The following ARHGAP15 variants were observed in gnomAD, a reference collection of about 807,000 sequenced individuals.
ARHGAP15 encodes the protein rho GTPase-activating protein 15.
Under a neutral mutation model 63.7 loss-of-function variants are expected in ARHGAP15, and 51 were observed. The observed-to-expected ratio is 0.80, with a 90% confidence interval of 0.64 to 1.01. The LOEUF (loss-of-function observed/expected upper bound fraction) is 1.01. Among genes scored for constraint, ARHGAP15 ranks in the 50% least tolerant of loss-of-function variants. ARHGAP15 has a pLI of 0.00. For missense variants in ARHGAP15, 560 were observed against 564.6 expected (o/e 0.99, Z 0.08); for synonymous variants, 191 against 193.8 (o/e 0.99, Z 0.12).
chr2:143,681,588 G>T (rs1683102314), intron 12 of ARHGAP15, among the ~76,000 whole-genome samples: 1 of 152,288 alleles, frequency 6.6e-6, no homozygotes, highest in Middle Eastern at 3.4e-3. Flanking sequence ...GGAATTTTCT[G>T]TGGTAAGCAT....
chr2:143,654,921 G>A (rs1459462997), intron 12 of ARHGAP15, among the ~76,000 whole-genome samples: 4 of 152,124 alleles, frequency 2.6e-5, no homozygotes, highest in Admixed American at 6.5e-5. Flanking sequence ...AACAAAGCAA[G>A]ACCCGTTTCT....
chr2:143,236,182 T>G (rs1558832389), intron 5 of ARHGAP15: 1 of 518,708 alleles, frequency 1.9e-6, no homozygotes, highest in Non-Finnish European at 3.3e-6. Context: ...AATATTCAAA[T>G]GAATAGTATA....
At chr2:143,537,213 T>TTAA (rs1559035756) in intron 10 of ARHGAP15, among the ~76,000 whole-genome samples, 7 of 151,778 alleles carry the variant, frequency 4.6e-5, no homozygotes, top group Admixed American at 2.0e-4. Flanking sequence ...TTGCCCACTT[T>TTAA]TTGACGAGGT....
At chr2:143,231,130 C>T (rs1436133559) in intron 5 of ARHGAP15, among the ~76,000 whole-genome samples, 1 of 139,872 alleles carries the variant, frequency 7.1e-6, no homozygotes, top group Non-Finnish European at 1.5e-5. Flanking sequence ...CTTTGAGCTT[C>T]AGAATCCTTA....
intron 10 of ARHGAP15, among the ~76,000 whole-genome samples, chr2:143,548,158 A>G (rs1695409164): frequency 6.6e-6 from 1 of 152,140 alleles, no homozygotes; most frequent in Non-Finnish European, 1.5e-5. Context: ...ACCAATATTA[A>G]TGATAAATAT....
chr2:143,672,848 CA>C (rs961751073), intron 12 of ARHGAP15, among the ~76,000 whole-genome samples: 1 of 152,144 alleles, frequency 6.6e-6, no homozygotes, highest in African/African-American at 2.4e-5. Context: ...GTTACTGAGA[CA>C]CAACAATTTT....
At chr2:143,672,453 AATG>A (rs1682575178) in intron 12 of ARHGAP15, among the ~76,000 whole-genome samples, 3 of 152,222 alleles carry the variant, frequency 2.0e-5, no homozygotes, top group African/African-American at 7.2e-5. Flanking sequence ...AGAAAACTCA[AATG>A]ATGTTAACTA....
intron 6 of ARHGAP15, among the ~76,000 whole-genome samples, chr2:143,311,389 A>G (rs908146409): frequency 6.6e-6 from 1 of 151,772 alleles, no homozygotes; most frequent in African/African-American, 2.4e-5. Context: ...GAAAAATTTC[A>G]TTCAGTTCCC....
intron 8 of ARHGAP15, among the ~76,000 whole-genome samples, chr2:143,454,090 G>A (rs1449467584): frequency 6.6e-6 from 1 of 152,002 alleles, no homozygotes; most frequent in Non-Finnish European, 1.5e-5. Flanking sequence ...TTCAAAGTTG[G>A]GTGGAAAGAA....
At chr2:143,450,366 A>G (rs778557661) in intron 8 of ARHGAP15, among the ~76,000 whole-genome samples, 1 of 151,878 alleles carries the variant, frequency 6.6e-6, no homozygotes, top group Non-Finnish European at 1.5e-5. Flanking sequence ...CATAAGAAGC[A>G]GTGAGCTCAC....
intron 10 of ARHGAP15, among the ~76,000 whole-genome samples, chr2:143,534,498 G>A (rs1224438528): frequency 1.3e-5 from 2 of 152,046 alleles, no homozygotes; most frequent in Admixed American, 1.3e-4. Flanking sequence ...TCCTTACCCA[G>A]AGAAGAGACA....
At chr2:143,134,818 T>C (rs1461438955) in intron 1 of ARHGAP15, among the ~76,000 whole-genome samples, 1 of 151,832 alleles carries the variant, frequency 6.6e-6, no homozygotes, top group African/African-American at 2.4e-5. Context: ...TTTGTATTTT[T>C]AGTAGAGTCG....
chr2:143,543,839 T>G (rs887655960), intron 10 of ARHGAP15, among the ~76,000 whole-genome samples: 1 of 152,130 alleles, frequency 6.6e-6, no homozygotes, highest in Non-Finnish European at 1.5e-5. Flanking sequence ...ACAAAGTGTT[T>G]TGAGTAACCA....
chr2:143,217,664 C>T (rs1481394654), intron 4 of ARHGAP15, among the ~76,000 whole-genome samples: 3 of 152,118 alleles, frequency 2.0e-5, no homozygotes, highest in East Asian at 1.9e-4. Context: ...TAGCCCAGCC[C>T]GAGTGCTCTC....
At chr2:143,579,446 G>A (rs1696804211) in intron 11 of ARHGAP15, among the ~76,000 whole-genome samples, 1 of 152,168 alleles carries the variant, frequency 6.6e-6, no homozygotes, top group Non-Finnish European at 1.5e-5. Flanking sequence ...ACGTCATTTA[G>A]TTAGTTGAGG....
In ARHGAP15 at chr2:143,418,509, AATATAG is replaced by A. The variant is rs567225557; in HGVS notation, c.475-17086_475-17081del. Among the ~76,000 whole-genome samples, 20 of 152,316 alleles carry A rather than the reference AATATAG, an allele frequency of 1.3e-4. No individual in the cohort carries two copies. In the East Asian group the frequency reaches 3.7e-3, roughly 28 times the overall value. On this transcript the variant is annotated intron_variant, in intron 6 of 13. Transcript: ENST00000295095. ...TTAAATTTTTTGTTCGTCCCAAATT[AATATAG>A]ATATAATATACAATCTTATCAAATT...
chr2:143,646,409 T>C (rs1680881248), intron 12 of ARHGAP15, among the ~76,000 whole-genome samples: 2 of 152,182 alleles, frequency 1.3e-5, no homozygotes, highest in East Asian at 1.9e-4. Flanking sequence ...GGCTCTGCCT[T>C]TTTTGCTTAC....
chr2:143,411,999 G>C lies in ARHGAP15; in HGVS notation c.475-23602G>C, dbSNP rs1688466947. Among the ~76,000 whole-genome samples, 3 of 152,206 alleles carry C rather than the reference G, an allele frequency of 2.0e-5. No individual in the cohort carries two copies. The South Asian group carries it at 6.2e-4, about 31-fold the overall frequency. On this transcript the variant is annotated intron_variant, in intron 6 of 13. Coordinates refer to ENST00000295095, the MANE Select transcript of ARHGAP15 (RefSeq NM_018460.4). The stretch of plus-strand genomic sequence containing the variant: ...CACAGAGCAAGAGGCTGAGGTTTGA[G>C]AGGAGAGGGGTCAATATGATAGGCA...
At chr2:143,383,495 G>A (rs955164195) in intron 6 of ARHGAP15, among the ~76,000 whole-genome samples, 2 of 152,098 alleles carry the variant, frequency 1.3e-5, no homozygotes, top group African/African-American at 2.4e-5. Flanking sequence ...AACCTATGTG[G>A]AATCCAAATC....
Sources: gnomAD v4.1 joint callset for allele counts (sites outside exome capture counted in the v4.1 genomes callset) on GRCh38, gnomAD v4.1.1 for gene constraint, MANE v1.5 for transcripts, NCBI Gene and HGNC (gene_info 2026-07-23, HGNC 2026-07-21) for gene names.